PIP4K2A: variants seen among roughly 807,000 people sequenced by gnomAD.
The protein encoded by PIP4K2A is phosphatidylinositol 5-phosphate 4-kinase type-2 alpha.
A neutral mutation model predicts 42.9 loss-of-function variants in PIP4K2A; 14 were observed. The ratio of observed to expected loss-of-function variants is 0.33; its 90% CI spans 0.22 to 0.51. The LOEUF (loss-of-function observed/expected upper bound fraction) is 0.51, where lower values mean the gene tolerates loss of function less well. Ranked by LOEUF, PIP4K2A falls within the 20% of genes least tolerant of loss-of-function variation. The pLI, the probability that PIP4K2A is intolerant of heterozygous loss-of-function variation, is 0.97. For missense variants in PIP4K2A, 434 were observed against 519.8 expected (o/e 0.83, Z 1.61); for synonymous variants, 192 against 192.2 (o/e 1.00, Z 0.01).
intron 3 of PIP4K2A, among the ~76,000 whole-genome samples, chr10:22,595,175 C>T (rs1020003309): frequency 6.6e-6 from 1 of 152,168 alleles, no homozygotes; most frequent in Non-Finnish European, 1.5e-5. Flanking sequence ...AAAAATCCAA[C>T]TCATTATTTC....
At chr10:22,664,064 T>TATATATATATACATATATATATATAC (rs1564459758) in intron 1 of PIP4K2A, among the ~76,000 whole-genome samples, 3 of 77,802 alleles carry the variant, frequency 3.9e-5, no homozygotes, top group African/African-American at 3.2e-4. Context: ...TATATATACA[T>TATATATATATACATATATATATATAC]ATATATATAT....
chr10:22,689,190 C>T (rs1232422015), intron 1 of PIP4K2A, among the ~76,000 whole-genome samples: 1 of 152,028 alleles, frequency 6.6e-6, no homozygotes, highest in African/African-American at 2.4e-5. Context: ...CCCCTCACCC[C>T]CTCTCTTCTC....
chr10:22,570,666 A>ACCAAAACTATACAAAG (rs1836962783), intron 5 of PIP4K2A, among the ~76,000 whole-genome samples: 1 of 152,234 alleles, frequency 6.6e-6, no homozygotes, highest in Non-Finnish European at 1.5e-5. Flanking sequence ...GGGTCCCAAG[A>ACCAAAACTATACAAAG]CCAAAACTAT....
intron 1 of PIP4K2A, among the ~76,000 whole-genome samples, chr10:22,636,519 T>A (rs1409118674): frequency 6.6e-6 from 1 of 152,152 alleles, no homozygotes; most frequent in Non-Finnish European, 1.5e-5. Flanking sequence ...TGCCTCAGCC[T>A]CCCCAAAGTG....
intron 1 of PIP4K2A, among the ~76,000 whole-genome samples, chr10:22,664,152 C>CATATATATACATATATATAT (rs1350615985): frequency 4.8e-5 from 1 of 20,842 alleles, no homozygotes; most frequent in African/African-American, 2.2e-4. Context: ...CATATATATA[C>CATATATATACATATATATAT]ACATATATAT....
chr10:22,637,737 G>A (rs1327364355), intron 1 of PIP4K2A, among the ~76,000 whole-genome samples: 1 of 152,144 alleles, frequency 6.6e-6, no homozygotes, highest in Admixed American at 6.5e-5. Context: ...CCACAACTCA[G>A]ACACAAGCCA....
At chr10:22,598,785 A>G (rs553200846) in intron 3 of PIP4K2A, among the ~76,000 whole-genome samples, 5 of 152,212 alleles carry the variant, frequency 3.3e-5, no homozygotes, top group Admixed American at 6.5e-5. Flanking sequence ...TCATTCTTCT[A>G]ATTATTATTC....
Position 22,609,607 on chromosome 10 carries a change from T to G in PIP4K2A, c.242+13A>C. On this transcript the variant is annotated intron_variant, in intron 2 of 9. Transcript: ENST00000376573. Reference sequence around the variant, plus strand: ...GCCACGCTAGTCTTATGAAAGGTCATACTTGTACTTACTTGTTAAAAAGGT... The same window carrying G: ...GCCACGCTAGTCTTATGAAAGGTCAGACTTGTACTTACTTGTTAAAAAGGT... The G allele has an allele frequency of 7.0e-7, 1 of 1,423,476 alleles. No homozygotes were observed. The highest frequency in any genetic ancestry group is 9.9e-7 in the Non-Finnish European group (1 of 1,007,644). The allele number at this position is 1,423,476 out of a possible 1,614,324, so 88.2% of individuals were successfully genotyped here.
chr10:22,620,941 T>C (rs943195), intron 1 of PIP4K2A, among the ~76,000 whole-genome samples: 64,330 of 152,134 alleles, frequency 0.42, 14,725 homozygotes, highest in African/African-American at 0.59. Context: ...GGGACAAAGA[T>C]TGGAAGAAAA....
rs533856199 is a variant in PIP4K2A, at chr10:22,690,459, C to T, written c.144+23724G>A. Among the ~76,000 whole-genome samples the T allele has an allele frequency of 4.3e-4, 65 of 152,280 alleles. 1 individual carries two copies. The highest frequency in any genetic ancestry group is 1.5e-3 in the African/African-American group (64 of 41,560). Reference sequence around the variant, plus strand: ...CACTAATTTATTTTAAGATTATTTGCCATCTTAATGTGTTTTCCACAAGCT... The same window carrying T: ...CACTAATTTATTTTAAGATTATTTGTCATCTTAATGTGTTTTCCACAAGCT... On this transcript the variant is annotated intron_variant, in intron 1 of 9. Transcript: ENST00000376573.
chr10:22,661,163 T>C (rs1839197757), intron 1 of PIP4K2A, among the ~76,000 whole-genome samples: 2 of 152,240 alleles, frequency 1.3e-5, no homozygotes, highest in Admixed American at 6.5e-5. Flanking sequence ...TGTTTTAACT[T>C]AGACCATGTA....
At chr10:22,604,173 G>A (rs1331619168) in intron 3 of PIP4K2A, among the ~76,000 whole-genome samples, 2 of 152,032 alleles carry the variant, frequency 1.3e-5, no homozygotes, top group Non-Finnish European at 2.9e-5. Flanking sequence ...CAAAACCAGA[G>A]GAAAGATACA....
At chr10:22,555,942 A>T (rs936232049) in intron 6 of PIP4K2A, among the ~76,000 whole-genome samples, 61 of 152,190 alleles carry the variant, frequency 4.0e-4, no homozygotes, top group African/African-American at 1.3e-3. Flanking sequence ...ATGTTTTAAG[A>T]AAGTTTACGG....
intron 4 of PIP4K2A, among the ~76,000 whole-genome samples, chr10:22,590,065 T>C (rs1837477802): frequency 6.6e-6 from 1 of 152,156 alleles, no homozygotes; most frequent in East Asian, 1.9e-4. Context: ...AAGAGTGCTT[T>C]TGATCCTATC....
chr10:22,683,140 T>C (rs1839695762), intron 1 of PIP4K2A, among the ~76,000 whole-genome samples: 1 of 151,274 alleles, frequency 6.6e-6, no homozygotes, highest in Admixed American at 6.6e-5. Flanking sequence ...AACTTTATGT[T>C]GGATCAAGCT....
intron 3 of PIP4K2A, among the ~76,000 whole-genome samples, chr10:22,606,598 G>A (rs1040209066): frequency 6.6e-6 from 1 of 152,204 alleles, no homozygotes; most frequent in Non-Finnish European, 1.5e-5. Flanking sequence ...GTACAGAGAG[G>A]GCAGTGGGAG....
intron 1 of PIP4K2A, among the ~76,000 whole-genome samples, chr10:22,668,177 C>T (rs1207357929): frequency 6.6e-6 from 1 of 152,140 alleles, no homozygotes; most frequent in Non-Finnish European, 1.5e-5. Context: ...GTCTTGAACT[C>T]CTGACCTCGT....
chr10:22,649,777 C>T (rs943281430), intron 1 of PIP4K2A, among the ~76,000 whole-genome samples: 3 of 152,190 alleles, frequency 2.0e-5, no homozygotes, highest in African/African-American at 7.2e-5. Flanking sequence ...TCAGTCTCCT[C>T]GCTAAATTAC....
chr10:22,616,631 A>G (rs1838182669), intron 1 of PIP4K2A, among the ~76,000 whole-genome samples: 1 of 152,210 alleles, frequency 6.6e-6, no homozygotes, highest in Non-Finnish European at 1.5e-5. Context: ...GCAACTTCAT[A>G]AGATATCTGC....
Sources: gnomAD v4.1 joint callset for allele counts (sites outside exome capture counted in the v4.1 genomes callset) on GRCh38, gnomAD v4.1.1 for gene constraint, MANE v1.5 for transcripts, NCBI Gene and HGNC (gene_info 2026-07-23, HGNC 2026-07-21) for gene names.